Variants in GOSR2 observed in about 807,000 individuals in gnomAD.
GOSR2 encodes 27 kDa Golgi SNARE protein.
A neutral mutation model predicts 27.9 loss-of-function variants in GOSR2; 20 were observed. The observed-to-expected ratio is 0.72, with a 90% confidence interval of 0.50 to 1.04. The LOEUF (loss-of-function observed/expected upper bound fraction) is 1.04. Among genes scored for constraint, GOSR2 ranks in the 50% least tolerant of loss-of-function variants. The pLI is 0.00. For missense variants in GOSR2, 261 were observed against 270.5 expected, an observed-to-expected ratio of 0.97 and a Z score of 0.25; for synonymous variants, 91 against 98.8, an observed-to-expected ratio of 0.92 and a Z score of 0.47.
At chr17:46,974,862 C>CA (rs1204794693) in intron 6 of GOSR2, among the ~76,000 whole-genome samples, 2 of 152,222 alleles carry the variant, frequency 1.3e-5, no homozygotes, top group South Asian at 4.1e-4. Flanking sequence ...GGAGGAGCTA[C>CA]AAAACCTTCT....
downstream of GOSR2, among the ~76,000 whole-genome samples, chr17:46,946,164 G>T (rs976917619): frequency 1.3e-5 from 2 of 151,982 alleles, no homozygotes; most frequent in South Asian, 2.1e-4. Flanking sequence ...GGCTGGGCGC[G>T]GTGTCTCATG....
At position 46,941,575 on chromosome 17, in the gene GOSR2, T is replaced by G. The variant is rs1009790183; in HGVS notation, c.*2815T>G. 2 of 264,774 alleles carry G rather than the reference T, an allele frequency of 7.6e-6. No individual in the cohort carries two copies. The highest frequency in any genetic ancestry group is 1.2e-5 in the Non-Finnish European group (2 of 171,200). The allele number at this position is 264,774 out of a possible 1,614,324, so 16.4% of individuals were successfully genotyped here. A position where few individuals can be genotyped will look rare whatever the true frequency, so the allele number is the denominator to read the frequency against. On this transcript the variant is annotated 3_prime_UTR_variant, in exon 6 of 6. Transcript: ENST00000640051. The stretch of plus-strand genomic sequence containing the variant: ...CTTTTTTAAATCTCTAAGGTGATTT[T>G]ATTTTATTTTTTATTTTTGAGACAG...
rs199930484 is a variant in GOSR2, at chr17:46,932,076, C to A, written c.213C>A (p.Asp71Glu). The A allele has an allele frequency of 1.4e-4, 221 of 1,613,566 alleles. 6 individuals carry two copies. The South Asian group carries it at 2.3e-3, about 17-fold the overall frequency. Residue 71 changes from aspartate (D) to glutamate (E), a missense_variant, in exon 4 of 6, where the codon GAC (aspartate) becomes GAA (glutamate). By Grantham distance (45) the Asp-to-Glu change is conservative. Transcript: ENST00000640051. ...NKRQNARLRV[D>E]QLKYDVQHLQ... Reference sequence around the variant, plus strand: ...TCTCCATCAATTCCAGTCGGGTTGACCAGTTAAAGTATGATGTCCAGCACC... The same window carrying A: ...TCTCCATCAATTCCAGTCGGGTTGAACAGTTAAAGTATGATGTCCAGCACC...
chr17:46,960,170 A>G (rs1407415792), intron 6 of GOSR2, among the ~76,000 whole-genome samples: 1 of 152,242 alleles, frequency 6.6e-6, no homozygotes, highest in Non-Finnish European at 1.5e-5. Flanking sequence ...CAATAAGAAA[A>G]CAAGCAACCC....
Position 46,939,998 on chromosome 17 carries a change from C to G in GOSR2, c.*1238C>G, listed in dbSNP as rs140094353. 2.4e-4 allele frequency: 238 copies of G among 1,010,692 alleles called. No individual in the cohort carries two copies. In the Middle Eastern group the frequency reaches 5.0e-3, roughly 21 times the overall value. The allele number at this position is 1,010,692 out of a possible 1,614,324, so 62.6% of individuals were successfully genotyped here. A position where few individuals can be genotyped will look rare whatever the true frequency, so the allele number is the denominator to read the frequency against. ...AAATGACACTCAAAATCCTTCAGAT[C>G]TGGAAACCGGCTCAGTATTAACCCT... On this transcript the variant is annotated 3_prime_UTR_variant, in exon 6 of 6. Coordinates refer to ENST00000640051, the MANE Select transcript of GOSR2 (RefSeq NM_004287.5).
At chr17:46,968,538 T>C (rs555896216), downstream of GOSR2, among the ~76,000 whole-genome samples, 1 of 152,306 alleles carries the variant, frequency 6.6e-6, no homozygotes, top group East Asian at 1.9e-4. Flanking sequence ...CATGCCAAGC[T>C]CATCAATCAC....
chr17:46,949,869 T>C (rs993653852), intron 6 of GOSR2, among the ~76,000 whole-genome samples: 3 of 152,010 alleles, frequency 2.0e-5, no homozygotes, highest in Non-Finnish European at 4.4e-5. Context: ...TCAGGTTCAG[T>C]GTGGAGGAGG....
At chr17:46,947,389 C>T (rs2089993312) in intron 6 of GOSR2, among the ~76,000 whole-genome samples, 1 of 152,196 alleles carries the variant, frequency 6.6e-6, no homozygotes, top group African/African-American at 2.4e-5. Context: ...GTGAAACCAC[C>T]AACCAGGCGG....
Position 46,929,581 on chromosome 17 carries a change from CACAGTGAGTAATTAACTGTGG to C in GOSR2, c.93_94+19del. The C allele has an allele frequency of 6.8e-7, 1 of 1,471,790 alleles. No homozygotes were observed. Among genetic ancestry groups the C allele is most frequent in the South Asian group, 1.1e-5 (1 of 88,264 alleles). 91.2% of individuals were successfully genotyped at this position (1,471,790 alleles called of 1,614,324 possible). A position where few individuals can be genotyped will look rare whatever the true frequency, so the allele number is the denominator to read the frequency against. On this transcript the variant is annotated splice_donor_variant and splice_donor_5th_base_variant and coding_sequence_variant and intron_variant, in exon 2 of 6. Transcript: ENST00000640051. LOFTEE classifies it high-confidence loss of function. Reference sequence around the variant, plus strand: ...GGAGACGGCAGACAAGCAGTCTGTGCACAGTGAGTAATTAACTGTGGAGACCAGAGTCCTTTCTCTGATGAC... The same window carrying C: ...GGAGACGGCAGACAAGCAGTCTGTGCAGACCAGAGTCCTTTCTCTGATGAC...
At position 46,932,143 on chromosome 17, in the gene GOSR2, A is replaced by G. The variant is rs776398628; in HGVS notation, c.280A>G (p.Arg94Gly). 1.2e-6 allele frequency: 2 copies of G among 1,614,022 alleles called. No homozygotes were observed. The highest frequency in any genetic ancestry group is 1.7e-6 in the Non-Finnish European group (2 of 1,180,000). The change falls in exon 4 of 6, where the codon AGG becomes GGG. Residue 94 changes from arginine (R) to glycine (G), a missense_variant. Coordinates refer to ENST00000640051, the MANE Select transcript of GOSR2 (RefSeq NM_004287.5). ...LRNFQHRRHA[R>G]EQQERQREEL... is the part of the protein sequence containing the mutation. ...AAACTTCCAGCATCGGCGCCATGCAAGGGAGCAGCAGGAGAGACAGCGAGA... is the reference window on the plus strand; with the variant it reads ...AAACTTCCAGCATCGGCGCCATGCAGGGGAGCAGCAGGAGAGACAGCGAGA...
At chr17:46,929,800 C>G (rs1002522306) in intron 2 of GOSR2, 2 of 542,254 alleles carry the variant, frequency 3.7e-6, no homozygotes, top group African/African-American at 3.8e-5. Context: ...TACCCCTCCA[C>G]TCAACCTGAC....
intron 6 of GOSR2, among the ~76,000 whole-genome samples, chr17:46,950,066 T>A (rs1315831530): frequency 1.3e-5 from 2 of 152,236 alleles, no homozygotes; most frequent in Non-Finnish European, 2.9e-5. Context: ...CCGTGGGGCC[T>A]CCTGGAGGGA....
intron 6 of GOSR2, among the ~76,000 whole-genome samples, chr17:46,963,269 G>A (rs1056356582): frequency 2.6e-5 from 4 of 152,258 alleles, no homozygotes; most frequent in African/African-American, 9.6e-5. Context: ...TGACAGCCAG[G>A]TGCAGTGGCT....
At chr17:46,967,214 G>A (rs2091343948), downstream of GOSR2, among the ~76,000 whole-genome samples, 1 of 152,232 alleles carries the variant, frequency 6.6e-6, no homozygotes, top group African/African-American at 2.4e-5. Flanking sequence ...GGTTTGGAGT[G>A]TGAGCTCAGA....
chr17:46,947,757 G>A (rs190442159), intron 6 of GOSR2, among the ~76,000 whole-genome samples: 3 of 152,248 alleles, frequency 2.0e-5, no homozygotes, highest in Non-Finnish European at 2.9e-5. Flanking sequence ...GAGCTTGTCC[G>A]TCACTAGAAA....
At chr17:46,924,960 C>A (rs894750071) in intron 1 of GOSR2, among the ~76,000 whole-genome samples, 60 of 152,200 alleles carry the variant, frequency 3.9e-4, no homozygotes, top group African/African-American at 1.4e-3. Flanking sequence ...TCAAGAATAA[C>A]TTTATTTAGA....
intron 1 of GOSR2, among the ~76,000 whole-genome samples, chr17:46,928,626 A>G (rs965904559): frequency 1.3e-5 from 2 of 152,174 alleles, no homozygotes; most frequent in African/African-American, 4.8e-5. Flanking sequence ...ATGAGATGGC[A>G]GTTCCTTCGT....
chr17:46,969,894 A>G (rs145513121), downstream of GOSR2, among the ~76,000 whole-genome samples: 261 of 151,770 alleles, frequency 1.7e-3, 1 homozygote, highest in African/African-American at 6.2e-3. Flanking sequence ...CCACTTTCTC[A>G]CTCTGCATCC....
At chr17:46,961,684 TATG>T (rs1029336746) in intron 6 of GOSR2, among the ~76,000 whole-genome samples, 2 of 152,230 alleles carry the variant, frequency 1.3e-5, no homozygotes, top group African/African-American at 4.8e-5. Flanking sequence ...GGTCCAGCTG[TATG>T]ATGTGTACCT....
Sources: gnomAD v4.1 joint callset for allele counts (sites outside exome capture counted in the v4.1 genomes callset) on GRCh38, gnomAD v4.1.1 for gene constraint, MANE v1.5 for transcripts, NCBI Gene and HGNC (gene_info 2026-07-23, HGNC 2026-07-21) for gene names.